PARP8: variants seen among roughly 807,000 people sequenced by gnomAD.
PARP8 encodes the protein protein mono-ADP-ribosyltransferase PARP8.
Under a neutral mutation model 124.1 loss-of-function variants are expected in PARP8, and 51 were observed. That is an observed-to-expected ratio of 0.41 (90% CI 0.33 to 0.52). The LOEUF (loss-of-function observed/expected upper bound fraction) is 0.52. Among genes scored for constraint, PARP8 ranks in the 20% least tolerant of loss-of-function variants. The probability of loss-of-function intolerance (pLI) is 0.21; values close to 1 mark genes in which losing one functional copy is unlikely to be tolerated. For missense variants in PARP8, 860 were observed against 1,018.9 expected, an observed-to-expected ratio of 0.84 and a Z score of 2.12; for synonymous variants, 391 against 361.5, an observed-to-expected ratio of 1.08 and a Z score of -0.93.
intron 9 of PARP8, among the ~76,000 whole-genome samples, chr5:50,783,448 G>C (rs1740895799): frequency 6.6e-6 from 1 of 152,066 alleles, no homozygotes; most frequent in Non-Finnish European, 1.5e-5. Context: ...GACATTTTTT[G>C]ATTTACATAA....
intron 7 of PARP8, among the ~76,000 whole-genome samples, chr5:50,769,837 C>T (rs1002142787): frequency 3.3e-5 from 5 of 151,854 alleles, no homozygotes; most frequent in Non-Finnish European, 7.4e-5. Flanking sequence ...TGTGATAAGA[C>T]AGATTATTTT....
intron 22 of PARP8, among the ~76,000 whole-genome samples, chr5:50,830,712 C>T (rs1225636672): frequency 2.6e-5 from 4 of 152,094 alleles, no homozygotes; most frequent in African/African-American, 9.7e-5. Context: ...TGAAAATTTT[C>T]TCTCCTTTAC....
intron 14 of PARP8, among the ~76,000 whole-genome samples, chr5:50,798,325 C>T (rs369542457): frequency 6.6e-6 from 1 of 152,086 alleles, no homozygotes; most frequent in African/African-American, 2.4e-5. Flanking sequence ...ATGACAGATA[C>T]AGTCTCTATA....
chr5:50,752,117 T>G (rs1174028696), intron 3 of PARP8, among the ~76,000 whole-genome samples: 1 of 151,254 alleles, frequency 6.6e-6, no homozygotes, highest in Non-Finnish European at 1.5e-5. Flanking sequence ...TTTACCAAGC[T>G]TTTTTTTAAA....
intron 2 of PARP8, among the ~76,000 whole-genome samples, chr5:50,694,269 C>T (rs1046482668): frequency 6.6e-6 from 1 of 152,168 alleles, no homozygotes; most frequent in African/African-American, 2.4e-5. Flanking sequence ...TGCCAGTACT[C>T]TCATGACTTA....
intron 2 of PARP8, among the ~76,000 whole-genome samples, chr5:50,724,831 GT>G (rs1214576667): frequency 6.6e-6 from 1 of 151,644 alleles, no homozygotes; most frequent in South Asian, 2.1e-4. Context: ...CTACTGTGTA[GT>G]TTTTTATCCC....
At chr5:50,715,553 A>G (rs1189506264) in intron 2 of PARP8, among the ~76,000 whole-genome samples, 1 of 151,828 alleles carries the variant, frequency 6.6e-6, no homozygotes, top group African/African-American at 2.4e-5. Flanking sequence ...GATGACCAAA[A>G]TTGGTCACTT....
chr5:50,826,821 T>C lies in PARP8; in HGVS notation c.1977+18T>C, dbSNP rs780445078. ...TTAACAGGGTAAGTTGTTTTTTTTT[T>C]TTTTACATATGCATACAGAAATGGG... On this transcript the variant is annotated intron_variant, in intron 19 of 25. Coordinates refer to ENST00000281631, the MANE Select transcript of PARP8 (RefSeq NM_024615.4). 1.9e-6 allele frequency: 3 copies of C among 1,591,936 alleles called. No homozygotes were observed. The highest frequency in any genetic ancestry group is 2.7e-5 in the African/African-American group (2 of 73,138).
chr5:50,749,516 AG>A (rs1179787599), intron 2 of PARP8, among the ~76,000 whole-genome samples: 3 of 152,140 alleles, frequency 2.0e-5, no homozygotes, highest in African/African-American at 7.2e-5. Flanking sequence ...TAGAGGCAGC[AG>A]GGTTACTGAG....
chr5:50,684,937 A>T (rs963201564), intron 2 of PARP8, among the ~76,000 whole-genome samples: 2 of 152,142 alleles, frequency 1.3e-5, no homozygotes, highest in African/African-American at 4.8e-5. Flanking sequence ...CAGTCAAGTG[A>T]TTTAAGGTCT....
chr5:50,796,842 G>A, intron 12 of PARP8, 140 bp from the exon 13 acceptor site: 1 of 700,760 alleles, frequency 1.4e-6, no homozygotes, highest in Non-Finnish European at 2.3e-6. Context: ...TTTTAATTTT[G>A]ATGTCATCAG....
chr5:50,799,339 A>G (rs1367922810), intron 14 of PARP8, among the ~76,000 whole-genome samples: 1 of 152,180 alleles, frequency 6.6e-6, no homozygotes, highest in Non-Finnish European at 1.5e-5. Context: ...TCTCTACTGA[A>G]TGATCTTGGC....
chr5:50,726,355 A>G (rs1306570154), intron 2 of PARP8, among the ~76,000 whole-genome samples: 1 of 152,132 alleles, frequency 6.6e-6, no homozygotes, highest in Admixed American at 6.6e-5. Context: ...TGTATGTGTA[A>G]TCTAGTTCAT....
chr5:50,819,674 C>T (rs1745543681), intron 15 of PARP8, among the ~76,000 whole-genome samples: 1 of 152,016 alleles, frequency 6.6e-6, no homozygotes, highest in Non-Finnish European at 1.5e-5. Flanking sequence ...CTCCTGACCT[C>T]AGGCAATCCT....
chr5:50,760,686 G>A (rs1343460413), intron 5 of PARP8, among the ~76,000 whole-genome samples: 1 of 152,070 alleles, frequency 6.6e-6, no homozygotes, highest in Non-Finnish European at 1.5e-5. Context: ...ACTGCACGTG[G>A]CTATACATAA....
chr5:50,785,560 A>G (rs1325646130), intron 9 of PARP8, among the ~76,000 whole-genome samples: 1 of 152,014 alleles, frequency 6.6e-6, no homozygotes, highest in African/African-American at 2.4e-5. Context: ...ATTTAATTCC[A>G]CTGAGGTTTT....
intron 2 of PARP8, among the ~76,000 whole-genome samples, chr5:50,734,388 T>G (rs1561303869): frequency 6.6e-6 from 1 of 152,146 alleles, no homozygotes; most frequent in Non-Finnish European, 1.5e-5. Flanking sequence ...AGTGTCCAGT[T>G]CTTCATTTGC....
At chr5:50,672,327 C>G (rs1039265580) in intron 2 of PARP8, among the ~76,000 whole-genome samples, 13 of 152,208 alleles carry the variant, frequency 8.5e-5, no homozygotes, top group Non-Finnish European at 1.9e-4. Flanking sequence ...CAGCCCCTAG[C>G]ACACTGTCTA....
intron 2 of PARP8, among the ~76,000 whole-genome samples, chr5:50,747,170 T>TTG (rs1475647859): frequency 2.8e-5 from 4 of 145,098 alleles, no homozygotes; most frequent in East Asian, 2.0e-4. Context: ...TTTGTTTTTT[T>TTG]TTTTTTTTTT....
Sources: allele counts gnomAD v4.1 joint callset (sites outside exome capture counted in the v4.1 genomes callset), GRCh38; gene constraint gnomAD v4.1.1; transcripts MANE v1.5; gene names NCBI Gene and HGNC (gene_info 2026-07-23, HGNC 2026-07-21).